The following PLBD2 variants were observed in gnomAD, a reference collection of about 807,000 sequenced individuals.
PLBD2 encodes phospholipase B domain containing 2, also known as putative aminopeptidase PLBD2.
A neutral mutation model predicts 68.3 loss-of-function variants in PLBD2; 51 were observed. The observed-to-expected ratio is 0.75, with a 90% CI of 0.60 to 0.94. The LOEUF (loss-of-function observed/expected upper bound fraction) is 0.94, where lower values mean the gene tolerates loss of function less well. PLBD2 is among the 40% of genes least tolerant of loss of function. The pLI is 0.00. For missense variants in PLBD2, 729 were observed against 792.2 expected, an observed-to-expected ratio of 0.92 and a Z score of 0.96; for synonymous variants, 314 against 339.3, an observed-to-expected ratio of 0.93 and a Z score of 0.82.
chr12:113,386,282 G>A (rs767665545), intron 9 of PLBD2, among the ~76,000 whole-genome samples: 4 of 152,078 alleles, frequency 2.6e-5, no homozygotes, highest in South Asian at 2.1e-4. Flanking sequence ...TCTGCTTCCC[G>A]GGTTCAAGCG....
intron 1 of PLBD2, among the ~76,000 whole-genome samples, chr12:113,365,371 G>A (rs1957333708): frequency 6.6e-6 from 1 of 151,500 alleles, no homozygotes; most frequent in Admixed American, 6.6e-5. Flanking sequence ...ACCCCGGCTG[G>A]AGTATAGTGG....
At chr12:113,376,808 C>A (rs1396907927) in intron 5 of PLBD2, 1 of 152,230 alleles carries the variant, frequency 6.6e-6, no homozygotes, top group East Asian at 1.9e-4. Context: ...CAGTGCAAGA[C>A]CTTGTCTCTA....
chr12:113,372,837 G>A lies in PLBD2; in HGVS notation c.543+30G>A. 1.2e-6 allele frequency: 2 copies of A among 1,601,958 alleles called. No homozygotes were observed. Among genetic ancestry groups the A allele is most frequent in the Non-Finnish European group, 8.5e-7 (1 of 1,174,510 alleles). ...GTCCTGCTGCCACGCTTGGTGGGAG[G>A]GGGCTTCCAGCTGGCCAGCCATCCT... is the stretch of plus-strand genomic sequence containing the variant. On this transcript the variant is annotated intron_variant, in intron 3 of 11. Coordinates refer to ENST00000280800, the MANE Select transcript of PLBD2 (RefSeq NM_173542.4). The surrounding 1 kb of genome is among the most constrained non-coding windows in gnomAD (Gnocchi z 4.2).
At position 113,384,970 on chromosome 12, in the gene PLBD2, T is replaced by C; in HGVS notation, c.1214+24T>C. On this transcript the variant is annotated intron_variant, in intron 8 of 11. Coordinates refer to ENST00000280800, the MANE Select transcript of PLBD2 (RefSeq NM_173542.4). This position sits in a 1 kb window ranked among gnomAD's most constrained non-coding sequence, Gnocchi z 4.2. ...CCGTGCGTACCCTGGGAGGGAGGGG[T>C]GGGGGCTCGGGGCAGAGGGGACTGC... 1 of 566,180 alleles carries C rather than the reference T, an allele frequency of 1.8e-6. No homozygotes were observed. Among genetic ancestry groups the C allele is most frequent in the Non-Finnish European group, 3.3e-6 (1 of 307,076 alleles). The allele number at this position is 566,180 out of a possible 1,614,324, so 35.1% of individuals were successfully genotyped here.
chr12:113,370,374 T>C (rs1440416641), intron 2 of PLBD2, among the ~76,000 whole-genome samples: 1 of 152,056 alleles, frequency 6.6e-6, no homozygotes, highest in Non-Finnish European at 1.5e-5. Context: ...AGGTTTTAGT[T>C]TGGATGTTCA....
rs534325485 is a variant in PLBD2, at chr12:113,369,440, A to G, written c.384+231A>G. On this transcript the variant is annotated intron_variant, in intron 2 of 11. Coordinates refer to ENST00000280800, the MANE Select transcript of PLBD2 (RefSeq NM_173542.4). ...TATTGTCTGACTTCTTATAAAGCTC[A>G]ATAACAAGTAAAGCAAAATAGTATG... 4.6e-5 allele frequency among the ~76,000 whole-genome samples: 7 copies of G among 152,346 alleles called. No homozygotes were observed. The East Asian group carries it at 1.3e-3, about 29-fold the overall frequency.
chr12:113,358,655 CG>C lies in PLBD2; in HGVS notation c.58del (p.Ala20ArgfsTer16). ...CAGCCACCTGGCCCGGGCGCTGACG[CG>C]GGCGCTGGCGCTGGCCCTGGTGCTG... The part of the protein sequence containing the change: ...PGSHLARALT[R>X]ALALALVLAL... On this transcript the variant is annotated frameshift_variant, in exon 1 of 12. Transcript: ENST00000280800. LOFTEE classifies it high-confidence loss of function. 6.8e-7 allele frequency: 1 copy of C among 1,461,684 alleles called. No homozygotes were observed. The highest frequency in any genetic ancestry group is 1.3e-5 in the South Asian group (1 of 74,934). 90.5% of individuals were successfully genotyped at this position (1,461,684 alleles called of 1,614,324 possible).
At chr12:113,387,687 C>G in intron 10 of PLBD2, 57 bp from the exon 11 acceptor site, 3 of 1,565,238 alleles carry the variant, frequency 1.9e-6, no homozygotes, top group Non-Finnish European at 2.6e-6. Context: ...GATTTTGGCC[C>G]CCGTCTTAGC....
intron 1 of PLBD2, among the ~76,000 whole-genome samples, chr12:113,362,366 A>G (rs1397611720): frequency 6.6e-6 from 1 of 151,858 alleles, no homozygotes. Context: ...AGTGATAGAC[A>G]CAGTTATGGG....
Position 113,371,879 on chromosome 12 carries a change from C to G in PLBD2, c.385-770C>G, listed in dbSNP as rs74885681. Among the ~76,000 whole-genome samples the G allele has an allele frequency of 4.2e-3, 644 of 152,322 alleles. 11 individuals carry two copies. In the East Asian group the frequency reaches 0.045, roughly 11 times the overall value. Reference sequence around the variant, plus strand: ...TAACTAGTGTGCCCTGCTGCCTCCCCCTCTAGCCTGTGGCCTTCTTGTGGG... The same window carrying G: ...TAACTAGTGTGCCCTGCTGCCTCCCGCTCTAGCCTGTGGCCTTCTTGTGGG... On this transcript the variant is annotated intron_variant, in intron 2 of 11. Transcript: ENST00000280800.
At chr12:113,379,113 G>T (rs1957460551) in intron 5 of PLBD2, among the ~76,000 whole-genome samples, 1 of 152,084 alleles carries the variant, frequency 6.6e-6, no homozygotes, top group Non-Finnish European at 1.5e-5. Flanking sequence ...TTCGAGACCA[G>T]CCTGGCCAAT....
intron 11 of PLBD2, 24 bp from the exon 12 acceptor site, chr12:113,388,435 G>C: frequency 6.6e-7 from 1 of 1,526,456 alleles, no homozygotes; most frequent in Non-Finnish European, 8.8e-7. Context: ...CCCCTGCTCA[G>C]CTGCGGCTCT....
At position 113,386,990 on chromosome 12, in the gene PLBD2, A is replaced by G; in HGVS notation, c.1340A>G (p.Tyr447Cys). ...GGGCTGCAGGCCCTAGTGGCCCAGT[A>G]TGGGGACTGGTTTTCTTATGACGGG... ...ASGLQALVAQYGDWFSYDGSP... is the reference protein window; with the variant it reads ...ASGLQALVAQCGDWFSYDGSP... Residue 447 changes from tyrosine to cysteine, a missense_variant, in exon 10 of 12, where the codon TAT (tyrosine) becomes TGT (cysteine). Transcript: ENST00000280800. 1 of 1,612,768 alleles carries G rather than the reference A, an allele frequency of 6.2e-7. No individual in the cohort carries two copies. Among genetic ancestry groups the G allele is most frequent in the Non-Finnish European group, 8.5e-7 (1 of 1,179,494 alleles).
intron 2 of PLBD2, 45 bp downstream of exon 2, chr12:113,369,254 C>A: frequency 6.7e-7 from 1 of 1,483,286 alleles, no homozygotes; most frequent in East Asian, 2.4e-5. Context: ...CTGCCCCAGC[C>A]CCACAAGCAT....
Position 113,358,895 on chromosome 12 carries a change from G to C in PLBD2, c.290+5G>C, listed in dbSNP as rs112149695. Reference sequence around the variant, plus strand: ...CAACGCCATCCGCGAGACTGGGTAAGGGTTGGCTTATCCCCACGCGGGGCC... The same window carrying C: ...CAACGCCATCCGCGAGACTGGGTAACGGTTGGCTTATCCCCACGCGGGGCC... On this transcript the variant is annotated splice_donor_5th_base_variant and intron_variant, in intron 1 of 11. Coordinates refer to ENST00000280800, the MANE Select transcript of PLBD2 (RefSeq NM_173542.4). 1,506 of 1,516,172 alleles carry C rather than the reference G, an allele frequency of 9.9e-4. 12 individuals carry two copies. The African/African-American group carries it at 0.018, about 18-fold the overall frequency. The allele number at this position is 1,516,172 out of a possible 1,614,324, so 93.9% of individuals were successfully genotyped here.
At chr12:113,387,477 C>T (rs1017880258) in intron 10 of PLBD2, among the ~76,000 whole-genome samples, 2 of 152,164 alleles carry the variant, frequency 1.3e-5, no homozygotes, top group African/African-American at 4.8e-5. Flanking sequence ...CAGGAACAAA[C>T]GGGTGCCTCA....
At chr12:113,375,107 AC>A in intron 5 of PLBD2, 100 bp downstream of exon 5, 1 of 1,058,994 alleles carries the variant, frequency 9.4e-7, no homozygotes, top group South Asian at 1.4e-5. Flanking sequence ...CTCCCAACAC[AC>A]GGAGTCACTG....
At chr12:113,369,773 GGGGGAGT>G (rs1267579356) in intron 2 of PLBD2, among the ~76,000 whole-genome samples, 10 of 152,130 alleles carry the variant, frequency 6.6e-5, no homozygotes, top group Admixed American at 2.6e-4. Flanking sequence ...CAGGGACTTG[GGGGGAGT>G]GGGGAGTGGG....
rs1229938925 is a variant in PLBD2 at position 113,390,203 on chromosome 12, C to T, written c.*1577C>T. On this transcript the variant is annotated 3_prime_UTR_variant, in exon 12 of 12. Coordinates refer to ENST00000280800, the MANE Select transcript of PLBD2 (RefSeq NM_173542.4). ...TTATCTACCCACCCATTCATCCACC[C>T]ACCCATCCAACTACCTATCCATTCA... 2 of 151,920 alleles carry T rather than the reference C, an allele frequency of 1.3e-5. No homozygotes were observed. Among genetic ancestry groups the T allele is most frequent in the African/African-American group, 4.8e-5 (2 of 41,400 alleles). The allele number at this position is 151,920 out of a possible 1,614,324, so 9.4% of individuals were successfully genotyped here.
Sources: allele counts gnomAD v4.1 joint callset (sites outside exome capture counted in the v4.1 genomes callset), GRCh38; gene constraint gnomAD v4.1.1; non-coding constraint Gnocchi (gnomAD v3.1); transcripts MANE v1.5; gene names NCBI Gene and HGNC (gene_info 2026-07-23, HGNC 2026-07-21).